The following MACF1 variants were observed in gnomAD, a reference collection of about 807,000 sequenced individuals.
MACF1 encodes the protein microtubule-actin cross-linking factor 1.
A neutral mutation model predicts 854.8 loss-of-function variants in MACF1; 193 were observed. That is an observed-to-expected ratio of 0.23 (90% CI 0.20 to 0.25). The LOEUF is 0.25. Among genes scored for constraint, MACF1 ranks in the 10% least tolerant of loss-of-function variants. MACF1 has a pLI of 1.00. For missense variants in MACF1, 7,722 were observed against 8,929.1 expected, an observed-to-expected ratio of 0.86 and a Z score of 5.45; for synonymous variants, 3,185 against 3,226.7, an observed-to-expected ratio of 0.99 and a Z score of 0.44.
intron 49 of MACF1, among the ~76,000 whole-genome samples, chr1:39,367,776 A>C (rs1297289594): frequency 6.6e-6 from 1 of 152,078 alleles, no homozygotes; most frequent in Admixed American, 6.6e-5. Flanking sequence ...GTTGTCCTAC[A>C]TATTTATCAG....
intron 15 of MACF1, among the ~76,000 whole-genome samples, chr1:39,289,494 C>T (rs926666228): frequency 5.3e-5 from 8 of 151,956 alleles, no homozygotes; most frequent in East Asian, 1.9e-4. Flanking sequence ...TAATTAGTGA[C>T]GTTGAGCACC....
Position 39,332,466 on chromosome 1 carries a change from AGT to A in MACF1, c.5880_5881del (p.Ser1960ArgfsTer14), listed in dbSNP as rs776511194. 2 of 1,613,964 alleles carry A rather than the reference AGT, an allele frequency of 1.2e-6. No individual in the cohort carries two copies. The highest frequency in any genetic ancestry group is 1.7e-5 in the Admixed American group (1 of 60,012). ...KSHPKATASQ[S>X]ENLLFQLMTH... Reference sequence around the variant, plus strand: ...CCACCCTAAGGCCACAGCAAGCCAGAGTGAGAATCTGTTGTTCCAGCTGATGA... The same window carrying A: ...CCACCCTAAGGCCACAGCAAGCCAGAGAGAATCTGTTGTTCCAGCTGATGA... On this transcript the variant is annotated frameshift_variant, in exon 37 of 101. Transcript: ENST00000564288. LOFTEE classifies it high-confidence loss of function.
chr1:39,300,395 AGG>A, intron 22 of MACF1, 33 bp downstream of exon 22: 1 of 1,587,350 alleles, frequency 6.3e-7, no homozygotes, highest in African/African-American at 1.4e-5. Context: ...TCTGGGCCAC[AGG>A]GGGAAGGAAG....
Position 39,434,407 on chromosome 1 carries a change from CA to C in MACF1, c.17566-6del. On this transcript the variant is annotated splice_region_variant and splice_polypyrimidine_tract_variant and intron_variant, in intron 68 of 100. Transcript: ENST00000564288. ...TATCCTTTTTTTTTTTTTTTTTGCT[CA>C]CATAGGAAAAGACAGAGTCTCTAAT... 1 of 1,072,860 alleles carries C rather than the reference CA, an allele frequency of 9.3e-7. No homozygotes were observed. The highest frequency in any genetic ancestry group is 2.8e-5 in the Admixed American group (1 of 35,214). The allele number at this position is 1,072,860 out of a possible 1,614,324, so 66.5% of individuals were successfully genotyped here. A position where few individuals can be genotyped will look rare whatever the true frequency, so the allele number is the denominator to read the frequency against.
intron 2 of MACF1, among the ~76,000 whole-genome samples, chr1:39,110,230 CTTTTTTTTT>C (rs5773651): frequency 5.9e-5 from 5 of 84,594 alleles, no homozygotes; most frequent in African/African-American, 2.4e-4. Context: ...GGATGTTGTT[CTTTTTTTTT>C]TTTTTTTTTT....
At chr1:39,415,594 C>T (rs1201158256) in intron 58 of MACF1, among the ~76,000 whole-genome samples, 3 of 151,034 alleles carry the variant, frequency 2.0e-5, no homozygotes, top group Non-Finnish European at 4.4e-5. Flanking sequence ...ATCTCCTGAC[C>T]TCATGATCTG....
intron 1 of MACF1, among the ~76,000 whole-genome samples, chr1:39,218,622 T>C (rs886769121): frequency 4.6e-5 from 7 of 152,232 alleles, no homozygotes; most frequent in African/African-American, 1.7e-4. Context: ...TGTGTTCTTA[T>C]ATGTGCCTCC....
At chr1:39,133,498 TCTCTTTTCTC>T (rs1643066574) in intron 2 of MACF1, among the ~76,000 whole-genome samples, 1 of 151,812 alleles carries the variant, frequency 6.6e-6, no homozygotes. Context: ...TTTCTTTTCT[TCTCTTTTCTC>T]CTTCCTCGTC....
intron 52 of MACF1, among the ~76,000 whole-genome samples, chr1:39,377,211 G>A (rs1372632582): frequency 6.6e-6 from 1 of 151,522 alleles, no homozygotes; most frequent in South Asian, 2.1e-4. Context: ...GGGTTTCACC[G>A]TATTGCCCAG....
chr1:39,258,609 C>T (rs761146490), intron 6 of MACF1, among the ~76,000 whole-genome samples: 8 of 152,184 alleles, frequency 5.3e-5, no homozygotes, highest in African/African-American at 1.9e-4. Context: ...CTTTTTAGAT[C>T]TGAATTGCTA....
chr1:39,207,438 A>G (rs1644464232), intron 1 of MACF1, among the ~76,000 whole-genome samples: 1 of 151,838 alleles, frequency 6.6e-6, no homozygotes, highest in Non-Finnish European at 1.5e-5. Context: ...GTGCCACCAC[A>G]GCCGGCTGAT....
At chr1:39,405,056 G>A (rs1642641668) in intron 58 of MACF1, among the ~76,000 whole-genome samples, 1 of 152,128 alleles carries the variant, frequency 6.6e-6, no homozygotes, top group Non-Finnish European at 1.5e-5. Context: ...GGCAGGAAAG[G>A]GCTTACAGGG....
intron 1 of MACF1, among the ~76,000 whole-genome samples, chr1:39,207,948 A>G (rs1386929997): frequency 1.3e-5 from 2 of 151,876 alleles, no homozygotes; most frequent in African/African-American, 4.8e-5. Context: ...AGCCTGGTCA[A>G]CATGGTGAAA....
chr1:39,202,414 A>C (rs1644402401), upstream of MACF1, among the ~76,000 whole-genome samples: 1 of 151,478 alleles, frequency 6.6e-6, no homozygotes, highest in South Asian at 2.1e-4. Context: ...AGGCAGTTGG[A>C]TCACGAGGTC....
In MACF1 at chr1:39,432,807, A is replaced by AT. The variant is rs886157146; in HGVS notation, c.17457+164dup. Among the ~76,000 whole-genome samples, 60 of 148,708 alleles carry AT rather than the reference A, an allele frequency of 4.0e-4. 1 individual carries two copies. The highest frequency in any genetic ancestry group is 2.3e-3 in the South Asian group (11 of 4,702). On this transcript the variant is annotated intron_variant, in intron 67 of 100. Transcript: ENST00000564288. ...ATGTATTTGGTTGAGATGAGGAAGA[A>AT]TTTTTTTTTTTGCTTTGTGAGAAAG...
rs574550456 is a variant in MACF1, at chr1:39,374,759, A to C, written c.13213+2163A>C. 1.0e-3 allele frequency among the ~76,000 whole-genome samples: 155 copies of C among 152,270 alleles called. 1 individual carries two copies. Among genetic ancestry groups the C allele is most frequent in the Admixed American group, 3.6e-3 (55 of 15,284 alleles). ...GACTAGATCATTTTTTTAAAAAAAA[A>C]CCAGAAATCTCATATAGAACAGAAA... On this transcript the variant is annotated intron_variant, in intron 52 of 100. Coordinates refer to ENST00000564288, the MANE Select transcript of MACF1 (RefSeq NM_001394062.1).
rs1223516655 is a variant in MACF1 at position 39,334,431 on chromosome 1, A to T, written c.7843A>T (p.Met2615Leu). The change falls in exon 37 of 101, where the codon ATG becomes TTG. Residue 2615 changes from methionine to leucine, a missense_variant. By Grantham distance (15) the Met-to-Leu change is conservative (BLOSUM62 2). This residue lies in a region of MACF1 where 1,531 missense variants were observed against 1,601.6 expected (regional missense o/e 0.96). Coordinates refer to ENST00000564288, the MANE Select transcript of MACF1 (RefSeq NM_001394062.1). ...TGAAGCAGTATTGTCTCCAGGAATG[A>T]TGCATGGCATTGTAGATCCCGAGAA... Reference protein sequence around the residue: ...TNEAVLSPGMMHGIVDPENCR... With the variant: ...TNEAVLSPGMLHGIVDPENCR... 7 of 1,614,094 alleles carry T rather than the reference A, an allele frequency of 4.3e-6. No homozygotes were observed. Among genetic ancestry groups the T allele is most frequent in the Non-Finnish European group, 5.1e-6 (6 of 1,179,964 alleles).
chr1:39,188,809 G>C (rs553226845), intron 2 of MACF1, among the ~76,000 whole-genome samples: 2 of 152,140 alleles, frequency 1.3e-5, no homozygotes, highest in South Asian at 4.2e-4. Context: ...TCACCATGTT[G>C]GCCAGGCTGG....
At position 39,374,523 on chromosome 1, in the gene MACF1, A is replaced by G. The variant is rs1403744695; in HGVS notation, c.13213+1927A>G. Among the ~76,000 whole-genome samples, 3 of 152,236 alleles carry G rather than the reference A, an allele frequency of 2.0e-5. 1 individual carries two copies. The highest frequency in any genetic ancestry group is 4.4e-5 in the Non-Finnish European group (3 of 68,034). On this transcript the variant is annotated intron_variant, in intron 52 of 100. Transcript: ENST00000564288. ...TTATTCGTGTGACTAAATCAGAGTC[A>G]GCAAACTTTTTCTATAAAGGGCCAG...
Sources: allele counts gnomAD v4.1 joint callset (sites outside exome capture counted in the v4.1 genomes callset), GRCh38; gene constraint gnomAD v4.1.1; regional missense constraint gnomAD v4.1.1; transcripts MANE v1.5; gene names NCBI Gene and HGNC (gene_info 2026-07-23, HGNC 2026-07-21).